The following SLC37A1 variants were observed in gnomAD, a reference collection of about 807,000 sequenced individuals.
The protein encoded by SLC37A1 is glucose-6-phosphate exchanger SLC37A1.
A neutral mutation model predicts 75.3 loss-of-function variants in SLC37A1; 49 were observed. The ratio of observed to expected loss-of-function variants is 0.65; its 90% CI spans 0.52 to 0.83. The LOEUF (loss-of-function observed/expected upper bound fraction) is 0.83. SLC37A1 is among the 40% of genes least tolerant of loss of function. The pLI, the probability that SLC37A1 is intolerant of heterozygous loss-of-function variation, is 0.00. For missense variants in SLC37A1, 566 were observed against 695.0 expected, an observed-to-expected ratio of 0.81 and a Z score of 2.09; for synonymous variants, 268 against 292.1, an observed-to-expected ratio of 0.92 and a Z score of 0.84.
intron 2 of SLC37A1, among the ~76,000 whole-genome samples, chr21:42,522,148 CTCTA>C (rs1165206919): frequency 6.6e-6 from 1 of 152,216 alleles, no homozygotes; most frequent in Non-Finnish European, 1.5e-5. Context: ...TGAGGGCTCA[CTCTA>C]TCTAATATGA....
intron 17 of SLC37A1, among the ~76,000 whole-genome samples, chr21:42,571,702 G>T (rs933351098): frequency 8.6e-5 from 13 of 150,672 alleles, no homozygotes; most frequent in Non-Finnish European, 1.9e-4. Context: ...CTCCTCCTCA[G>T]TTATACCAGC....
Position 42,563,814 on chromosome 21 carries a change from G to A in SLC37A1, c.1073-1G>A. 6 of 1,614,176 alleles carry A rather than the reference G, an allele frequency of 3.7e-6. No individual in the cohort carries two copies. The highest frequency in any genetic ancestry group is 5.1e-6 in the Non-Finnish European group (6 of 1,180,008). ...TTCACACTCCGTTGTCATTTCAATAGATCACCTTGATGCCAAAAAGGCGGG... is the reference window on the plus strand; with the variant it reads ...TTCACACTCCGTTGTCATTTCAATAAATCACCTTGATGCCAAAAAGGCGGG... On this transcript the variant is annotated splice_acceptor_variant, in intron 12 of 19. Coordinates refer to ENST00000352133, the MANE Select transcript of SLC37A1 (RefSeq NM_001320537.2). LOFTEE classifies it high-confidence loss of function.
At chr21:42,544,314 G>T (rs1569012247) in intron 8 of SLC37A1, among the ~76,000 whole-genome samples, 1 of 152,216 alleles carries the variant, frequency 6.6e-6, no homozygotes. Flanking sequence ...CATGCTGCCT[G>T]CCAGGTAGGG....
chr21:42,569,800 C>T (rs1196429375), intron 17 of SLC37A1, among the ~76,000 whole-genome samples: 1 of 152,246 alleles, frequency 6.6e-6, no homozygotes. Flanking sequence ...TTTGCTGTAT[C>T]CCAGTGAACT....
upstream of SLC37A1, among the ~76,000 whole-genome samples, chr21:42,508,875 A>G (rs934383256): frequency 1.3e-5 from 2 of 152,216 alleles, no homozygotes; most frequent in African/African-American, 4.8e-5. Context: ...CAGGTAGTTT[A>G]AAGAGAACCA....
intron 2 of SLC37A1, among the ~76,000 whole-genome samples, chr21:42,520,453 A>T (rs747844283): frequency 6.6e-6 from 1 of 152,086 alleles, no homozygotes; most frequent in African/African-American, 2.4e-5. Flanking sequence ...CATCCTCATG[A>T]TTAGATTCAG....
At chr21:42,559,198 C>A in intron 11 of SLC37A1, 109 bp downstream of exon 11, 1 of 1,393,606 alleles carries the variant, frequency 7.2e-7, no homozygotes, top group Non-Finnish European at 9.6e-7. Context: ...TTGTAGAACC[C>A]GGGGATTCGA....
intron 10 of SLC37A1, 66 bp from the exon 11 acceptor site, chr21:42,558,892 C>A: frequency 1.9e-6 from 3 of 1,605,046 alleles, no homozygotes; most frequent in Non-Finnish European, 2.6e-6. Flanking sequence ...AAGCCTGGCC[C>A]CACTTCACCC....
intron 9 of SLC37A1, among the ~76,000 whole-genome samples, chr21:42,551,702 G>T (rs1326285765): frequency 6.6e-6 from 1 of 152,162 alleles, no homozygotes; most frequent in Non-Finnish European, 1.5e-5. Flanking sequence ...AAATGATTTT[G>T]CACTGTGTTT....
At chr21:42,550,643 A>T (rs187375988) in intron 9 of SLC37A1, among the ~76,000 whole-genome samples, 4 of 152,368 alleles carry the variant, frequency 2.6e-5, no homozygotes, top group Admixed American at 1.3e-4. Context: ...CTCTTAAGAA[A>T]ACTGTACAAC....
chr21:42,518,569 G>A (rs372212919), intron 2 of SLC37A1, 59 bp downstream of exon 2: 9 of 1,573,692 alleles, frequency 5.7e-6, no homozygotes, highest in Non-Finnish European at 7.9e-6. Context: ...GGGCTACTGT[G>A]CAGGTAGTTG....
chr21:42,546,555 G>T (rs1201068931), intron 8 of SLC37A1, among the ~76,000 whole-genome samples: 1 of 152,190 alleles, frequency 6.6e-6, no homozygotes, highest in Non-Finnish European at 1.5e-5. Flanking sequence ...TGGCCACGCT[G>T]GGAAGTATTT....
chr21:42,521,373 G>A (rs2054645290), intron 2 of SLC37A1, among the ~76,000 whole-genome samples: 1 of 152,260 alleles, frequency 6.6e-6, no homozygotes, highest in South Asian at 2.1e-4. Flanking sequence ...GGGCTGTTTG[G>A]CTTCTGGGGG....
chr21:42,506,938 A>G (rs1410348427), intron 2 of SLC37A1, among the ~76,000 whole-genome samples: 2 of 152,104 alleles, frequency 1.3e-5, no homozygotes, highest in East Asian at 3.9e-4. Flanking sequence ...GCTGGAGTGC[A>G]GTGGTGCGAT....
At chr21:42,573,696 G>A (rs2056243132) in intron 17 of SLC37A1, among the ~76,000 whole-genome samples, 1 of 152,084 alleles carries the variant, frequency 6.6e-6, no homozygotes, top group Non-Finnish European at 1.5e-5. Context: ...CCTAGGGCAT[G>A]AAAGACCCTG....
rs549202402 is a variant in SLC37A1, at chr21:42,558,424, G to A, written c.850-534G>A. 2.5e-4 allele frequency among the ~76,000 whole-genome samples: 38 copies of A among 152,240 alleles called. 1 individual carries two copies. The highest frequency in any genetic ancestry group is 8.4e-4 in the African/African-American group (35 of 41,532). Reference sequence around the variant, plus strand: ...AAAATTACACATAATTCCACCACTCGCTGACAACCATTGTTGGCTTAGATT... The same window carrying A: ...AAAATTACACATAATTCCACCACTCACTGACAACCATTGTTGGCTTAGATT... On this transcript the variant is annotated intron_variant, in intron 10 of 19. Coordinates refer to ENST00000352133, the MANE Select transcript of SLC37A1 (RefSeq NM_001320537.2).
chr21:42,531,894 CG>C (rs2054992144), intron 3 of SLC37A1, among the ~76,000 whole-genome samples: 1 of 152,112 alleles, frequency 6.6e-6, no homozygotes, highest in South Asian at 2.1e-4. Flanking sequence ...CTGCGGGGTG[CG>C]GGTGAAGGTG....
chr21:42,544,868 T>C (rs1164958611), intron 8 of SLC37A1, among the ~76,000 whole-genome samples: 17 of 152,216 alleles, frequency 1.1e-4, no homozygotes, highest in Non-Finnish European at 1.5e-4. Context: ...CGGAGAACAA[T>C]GTGCCTCTCT....
intron 10 of SLC37A1, among the ~76,000 whole-genome samples, chr21:42,558,387 A>G (rs2055743399): frequency 6.6e-6 from 1 of 152,256 alleles, no homozygotes; most frequent in East Asian, 1.9e-4. Context: ...ATTTCTTATT[A>G]GCATTTCGAT....
Sources: gnomAD v4.1 joint callset for allele counts (sites outside exome capture counted in the v4.1 genomes callset) on GRCh38, gnomAD v4.1.1 for gene constraint, MANE v1.5 for transcripts, NCBI Gene and HGNC (gene_info 2026-07-23, HGNC 2026-07-21) for gene names.